The following PTPRN2 variants were observed in gnomAD, a reference collection of about 807,000 sequenced individuals.
The protein encoded by PTPRN2 is receptor-type tyrosine-protein phosphatase N2.
PTPRN2 carries 74 observed loss-of-function variants against 118.8 expected under a neutral mutation model. The ratio of observed to expected loss-of-function variants is 0.62; its 90% CI spans 0.52 to 0.76. PTPRN2 has a LOEUF of 0.76. Ranked by LOEUF, PTPRN2 falls within the 30% of genes least tolerant of loss-of-function variation. The pLI is 0.00. For synonymous variants in PTPRN2, 641 were observed against 608.0 expected (o/e 1.05, Z -0.80); for missense variants, 1,481 against 1,394.4 (o/e 1.06, Z -0.99).
chr7:157,692,299 C>T lies in PTPRN2; in HGVS notation c.1789-9362G>A, dbSNP rs552033877. Among the ~76,000 whole-genome samples, 15 of 152,294 alleles carry T rather than the reference C, an allele frequency of 9.8e-5. No individual in the cohort carries two copies. The South Asian group carries it at 3.1e-3, about 32-fold the overall frequency. The stretch of plus-strand genomic sequence containing the variant: ...GCCAACTCCTCCACACCCCCCACCT[C>T]CCCAGGCCAGGCCCAGGCGGCGCTT... On this transcript the variant is annotated intron_variant, in intron 12 of 22. Coordinates refer to ENST00000389418, the MANE Select transcript of PTPRN2 (RefSeq NM_002847.5).
intron 13 of PTPRN2, among the ~76,000 whole-genome samples, chr7:157,672,633 G>T (rs1796473912): frequency 6.6e-6 from 1 of 152,116 alleles, no homozygotes; most frequent in African/African-American, 2.4e-5. Flanking sequence ...GCGACGAAAC[G>T]CCTACCCAGA....
chr7:157,607,205 C>T (rs1802054285), intron 15 of PTPRN2, among the ~76,000 whole-genome samples: 1 of 152,232 alleles, frequency 6.6e-6, no homozygotes, highest in African/African-American at 2.4e-5. Context: ...TTGACTCTGA[C>T]ATCTGAACAC....
At chr7:158,463,510 A>G (rs1231414927) in intron 2 of PTPRN2, among the ~76,000 whole-genome samples, 1 of 152,028 alleles carries the variant, frequency 6.6e-6, no homozygotes, top group African/African-American at 2.4e-5. Flanking sequence ...CACCACCATC[A>G]TCACCATCAT....
At chr7:157,642,574 G>C (rs890025447) in intron 14 of PTPRN2, among the ~76,000 whole-genome samples, 1 of 152,098 alleles carries the variant, frequency 6.6e-6, no homozygotes, top group Non-Finnish European at 1.5e-5. Context: ...GGACGTCTCC[G>C]TCCGTCACTG....
chr7:158,080,430 T>C (rs1484187199), intron 11 of PTPRN2, among the ~76,000 whole-genome samples: 1 of 151,796 alleles, frequency 6.6e-6, no homozygotes, highest in Non-Finnish European at 1.5e-5. Context: ...CGTCCTGTCT[T>C]ATCAATGATA....
At chr7:158,263,193 A>G (rs1175648656) in intron 3 of PTPRN2, among the ~76,000 whole-genome samples, 1 of 152,142 alleles carries the variant, frequency 6.6e-6, no homozygotes, top group Non-Finnish European at 1.5e-5. Context: ...ACATTCACAC[A>G]CACTGCACAT....
intron 2 of PTPRN2, among the ~76,000 whole-genome samples, chr7:158,338,553 G>A (rs1430143078): frequency 4.5e-4 from 42 of 93,706 alleles, no homozygotes; most frequent in Middle Eastern, 5.3e-3. Flanking sequence ...CACCATAAGA[G>A]GTGACACCTG....
At chr7:157,837,109 T>C (rs1808008117) in intron 12 of PTPRN2, among the ~76,000 whole-genome samples, 1 of 115,586 alleles carries the variant, frequency 8.7e-6, no homozygotes. Flanking sequence ...ACCTATCCAC[T>C]CACCACCACC....
intron 3 of PTPRN2, among the ~76,000 whole-genome samples, chr7:158,245,517 AG>A (rs1796187537): frequency 6.6e-6 from 1 of 152,050 alleles, no homozygotes; most frequent in Admixed American, 6.5e-5. Context: ...GAGTCAAACC[AG>A]GGGCCTTTCA....
intron 1 of PTPRN2, among the ~76,000 whole-genome samples, chr7:158,523,208 G>A (rs1420423399): frequency 2.0e-5 from 3 of 152,194 alleles, no homozygotes; most frequent in African/African-American, 4.8e-5. Context: ...TGGGGTCTGG[G>A]GAGCCCCAGT....
At chr7:157,790,123 TG>T (rs1804373702) in intron 12 of PTPRN2, among the ~76,000 whole-genome samples, 1 of 143,758 alleles carries the variant, frequency 7.0e-6, no homozygotes, top group African/African-American at 2.6e-5. Flanking sequence ...GGTGTGTGTG[TG>T]GTGTGTGTGT....
rs889093255 is a variant in PTPRN2 at position 157,834,018 on chromosome 7, G to A, written c.1788+64655C>T. On this transcript the variant is annotated intron_variant, in intron 12 of 22. Transcript: ENST00000389418. Reference sequence around the variant, plus strand: ...GCTGGCGGATTTCTCCTCTGCCAACGTCCTTCGAAACTCTCTGTAGTACTT... The same window carrying A: ...GCTGGCGGATTTCTCCTCTGCCAACATCCTTCGAAACTCTCTGTAGTACTT... 3.3e-5 allele frequency among the ~76,000 whole-genome samples: 5 copies of A among 152,320 alleles called. 1 individual carries two copies. Among genetic ancestry groups the A allele is most frequent in the African/African-American group, 2.4e-5 (1 of 41,558 alleles).
intron 10 of PTPRN2, among the ~76,000 whole-genome samples, chr7:158,108,551 T>A (rs550256596): frequency 6.6e-6 from 1 of 152,190 alleles, no homozygotes; most frequent in Non-Finnish European, 1.5e-5. Flanking sequence ...TTCCTGTCCA[T>A]GGACATTTCC....
At chr7:158,136,718 C>T (rs1818854528) in intron 7 of PTPRN2, 23 bp from the exon 8 acceptor site, 28 of 1,612,150 alleles carry the variant, frequency 1.7e-5, no homozygotes, top group Non-Finnish European at 2.3e-5. Context: ...CCAGTGTTAC[C>T]AAGACCCTCA....
At chr7:158,481,449 AATTTCC>A (rs2129444919) in intron 2 of PTPRN2, among the ~76,000 whole-genome samples, 1 of 152,314 alleles carries the variant, frequency 6.6e-6, no homozygotes, top group South Asian at 2.1e-4. Context: ...ATCAAAAAAT[AATTTCC>A]ATTTCAAGAC....
chr7:158,205,134 C>T, intron 4 of PTPRN2, 37 bp downstream of exon 4: 1 of 1,503,068 alleles, frequency 6.7e-7, no homozygotes, highest in Non-Finnish European at 9.3e-7. Flanking sequence ...GGACTGTGTC[C>T]TGGGAGCAAG....
At chr7:157,835,521 A>G (rs1164820885) in intron 12 of PTPRN2, among the ~76,000 whole-genome samples, 1 of 152,212 alleles carries the variant, frequency 6.6e-6, no homozygotes, top group Non-Finnish European at 1.5e-5. Flanking sequence ...CGTACGGCAC[A>G]GGAAAGAGAC....
intron 11 of PTPRN2, among the ~76,000 whole-genome samples, chr7:157,958,001 G>T (rs1801289502): frequency 6.6e-6 from 1 of 152,062 alleles, no homozygotes; most frequent in Admixed American, 6.5e-5. Context: ...CAAAATACTA[G>T]TAGACAAAAT....
rs114273514 is a variant in PTPRN2 at position 157,641,510 on chromosome 7, G to A, written c.2196+14847C>T. ...AGTGGGCGTCATTATTTTTCTTTACGGCAGTATGGTTGCATGAGTTTTGTA... is the reference window on the plus strand; with the variant it reads ...AGTGGGCGTCATTATTTTTCTTTACAGCAGTATGGTTGCATGAGTTTTGTA... On this transcript the variant is annotated intron_variant, in intron 14 of 22. Coordinates refer to ENST00000389418, the MANE Select transcript of PTPRN2 (RefSeq NM_002847.5). 4.8e-3 allele frequency among the ~76,000 whole-genome samples: 736 copies of A among 152,218 alleles called. 4 individuals are homozygous for A. Among genetic ancestry groups the A allele is most frequent in the African/African-American group, 0.016 (674 of 41,532 alleles).
Sources: allele counts gnomAD v4.1 joint callset (sites outside exome capture counted in the v4.1 genomes callset), GRCh38; gene constraint gnomAD v4.1.1; transcripts MANE v1.5; gene names NCBI Gene and HGNC (gene_info 2026-07-23, HGNC 2026-07-21).